UXS1: variants seen among roughly 807,000 people sequenced by gnomAD.
UXS1 encodes the protein UDP-glucuronic acid decarboxylase 1.
In UXS1, 33 loss-of-function variants were observed where a neutral mutation model predicts 62.6. That is an observed-to-expected ratio of 0.53 (90% confidence interval 0.40 to 0.70). The LOEUF is 0.70. Ranked by LOEUF, UXS1 falls within the 30% of genes least tolerant of loss-of-function variation. The pLI, the probability that UXS1 is intolerant of heterozygous loss-of-function variation, is 0.00. For synonymous variants in UXS1, 213 were observed against 206.8 expected, an observed-to-expected ratio of 1.03 and a Z score of -0.26; for missense variants, 434 against 556.3, an observed-to-expected ratio of 0.78 and a Z score of 2.21.
chr2:106,098,807 A>T (rs1412242372), intron 12 of UXS1, 34 bp from the exon 13 acceptor site: 1 of 1,594,900 alleles, frequency 6.3e-7, no homozygotes, highest in East Asian at 2.2e-5. Flanking sequence ...TATAAGCGTC[A>T]TGACAACAGC....
At chr2:106,104,688 G>T in intron 11 of UXS1, 106 bp downstream of exon 11, 1 of 1,380,162 alleles carries the variant, frequency 7.2e-7, no homozygotes, top group Non-Finnish European at 1.0e-6. Flanking sequence ...TAGTGTTAGC[G>T]TTGTGGAAAT....
At chr2:106,168,984 A>T (rs191475691) in intron 1 of UXS1, among the ~76,000 whole-genome samples, 43 of 152,320 alleles carry the variant, frequency 2.8e-4, no homozygotes, top group African/African-American at 8.9e-4. Flanking sequence ...ACTTACTTTT[A>T]AAAAAGTTTA....
chr2:106,190,462 G>C (rs1479948529), intron 1 of UXS1, among the ~76,000 whole-genome samples: 1 of 152,094 alleles, frequency 6.6e-6, no homozygotes, highest in Non-Finnish European at 1.5e-5. Flanking sequence ...GAAATGCCTA[G>C]GGGTTGGGTG....
In UXS1 at chr2:106,186,453, T is replaced by TACACACACAC. The variant is rs753781104; in HGVS notation, c.94+7694_94+7695insGTGTGTGTGT. 7.3e-3 allele frequency among the ~76,000 whole-genome samples: 83 copies of TACACACACAC among 11,434 alleles called. 1 individual carries two copies. The Middle Eastern group carries it at 0.14, about 20-fold the overall frequency. 7.5% of individuals were successfully genotyped at this position (11,434 alleles called of 152,430 possible). ...ACTGCTCTGGGCTTTTATATATATA[T>TACACACACAC]ATATACACACACACACACACACATA... On this transcript the variant is annotated intron_variant, in intron 1 of 14. Transcript: ENST00000283148.
intron 1 of UXS1, among the ~76,000 whole-genome samples, chr2:106,169,702 A>C (rs1245861746): frequency 2.0e-5 from 3 of 152,116 alleles, no homozygotes; most frequent in Admixed American, 6.5e-5. Flanking sequence ...AAAAGAAAAA[A>C]AGTTGATTTC....
At position 106,158,047 on chromosome 2, in the gene UXS1, T is replaced by C; in HGVS notation, c.291+11A>G. ...TAATATTACAAATACTATTCAGGTGTGCAAACTTACCAAAATTCTTTTCCG... is the reference window on the plus strand; with the variant it reads ...TAATATTACAAATACTATTCAGGTGCGCAAACTTACCAAAATTCTTTTCCG... On this transcript the variant is annotated intron_variant, in intron 5 of 14. Transcript: ENST00000283148. The C allele has an allele frequency of 6.4e-7, 1 of 1,556,192 alleles. No homozygotes were observed. The highest frequency in any genetic ancestry group is 8.7e-7 in the Non-Finnish European group (1 of 1,147,848).
intron 11 of UXS1, chr2:106,102,893 T>C (rs1169157183): frequency 1.3e-5 from 2 of 152,356 alleles, no homozygotes; most frequent in African/African-American, 4.8e-5. Flanking sequence ...CATCTCAGAC[T>C]CTGCTAATGT....
chr2:106,103,337 G>T (rs1259206958), intron 11 of UXS1, among the ~76,000 whole-genome samples: 1 of 152,244 alleles, frequency 6.6e-6, no homozygotes, highest in Non-Finnish European at 1.5e-5. Flanking sequence ...GATATTCCAT[G>T]TGGTGTGGGG....
chr2:106,147,349 C>T (rs1438039314), intron 5 of UXS1, among the ~76,000 whole-genome samples: 1 of 152,186 alleles, frequency 6.6e-6, no homozygotes, highest in African/African-American at 2.4e-5. Context: ...AGGGTCGTGC[C>T]AGACAGGAGC....
At chr2:106,178,470 A>G (rs1350937806) in intron 1 of UXS1, among the ~76,000 whole-genome samples, 2 of 151,754 alleles carry the variant, frequency 1.3e-5, no homozygotes, top group African/African-American at 2.4e-5. Flanking sequence ...GTATATACAT[A>G]CAAGTGTGTG....
chr2:106,101,067 C>T lies in UXS1; in HGVS notation c.975G>A (p.Pro325=), dbSNP rs550437685. The change falls in exon 12 of 15, where the codon CCG becomes CCA. Residue 325 remains proline, a synonymous_variant. Transcript: ENST00000283148. ...GGAGAGGAGCACTCACCAGGTTGAC[C>T]GGGCTGCTGACGTTGCTGTTCATGA... is the stretch of plus-strand genomic sequence containing the variant. The part of the protein sequence containing the change: ...VALMNSNVSS[P]VNLGNPEEHT... The T allele has an allele frequency of 1.6e-5, 26 of 1,613,838 alleles. No individual in the cohort carries two copies. Among genetic ancestry groups the T allele is most frequent in the East Asian group, 1.3e-4 (6 of 44,870 alleles).
At chr2:106,174,329 T>C (rs1053485861) in intron 1 of UXS1, among the ~76,000 whole-genome samples, 2 of 152,202 alleles carry the variant, frequency 1.3e-5, no homozygotes, top group Non-Finnish European at 2.9e-5. Flanking sequence ...TGCTGTAGTC[T>C]GAGCAAATCT....
At chr2:106,153,546 A>G (rs1024512314) in intron 5 of UXS1, among the ~76,000 whole-genome samples, 2 of 152,192 alleles carry the variant, frequency 1.3e-5, no homozygotes, top group East Asian at 1.9e-4. Context: ...AAATAAATAA[A>G]TAAAATAAAA....
intron 9 of UXS1, among the ~76,000 whole-genome samples, chr2:106,120,493 G>A (rs147995691): frequency 6.6e-6 from 1 of 152,324 alleles, no homozygotes; most frequent in Non-Finnish European, 1.5e-5. Flanking sequence ...TGCCCCCAGA[G>A]GTGGGCCTTC....
At chr2:106,187,799 T>C (rs1684661954) in intron 1 of UXS1, among the ~76,000 whole-genome samples, 1 of 151,266 alleles carries the variant, frequency 6.6e-6, no homozygotes, top group South Asian at 2.1e-4. Flanking sequence ...TGGAGTGCAA[T>C]GGCACGATCT....
intron 8 of UXS1, 115 bp from the exon 9 acceptor site, chr2:106,123,206 G>C (rs754318715): frequency 8.1e-5 from 119 of 1,474,030 alleles, no homozygotes; most frequent in Admixed American, 1.2e-4. Flanking sequence ...GAGATGGAGA[G>C]ATGTATTAAA....
chr2:106,119,835 A>C (rs1332144240), intron 9 of UXS1, among the ~76,000 whole-genome samples: 1 of 152,110 alleles, frequency 6.6e-6, no homozygotes, highest in East Asian at 1.9e-4. Context: ...AACGTTTTAT[A>C]TCTCTCACAA....
chr2:106,141,226 T>C (rs1178315711), intron 6 of UXS1, among the ~76,000 whole-genome samples: 1 of 152,150 alleles, frequency 6.6e-6, no homozygotes, highest in African/African-American at 2.4e-5. Flanking sequence ...AAGGTCTCTA[T>C]ATATGATATA....
chr2:106,166,092 G>C lies in UXS1; in HGVS notation c.95-9C>G, dbSNP rs374145664. The C allele has an allele frequency of 6.2e-7, 1 of 1,607,478 alleles. No homozygotes were observed. Among genetic ancestry groups the C allele is most frequent in the Admixed American group, 1.7e-5 (1 of 58,784 alleles). The stretch of plus-strand genomic sequence containing the variant: ...GAAGTTGCCCCAAACAGCTGTAAGA[G>C]AAAGAAAAAAGGAAGTCAATGTTTA... On this transcript the variant is annotated splice_polypyrimidine_tract_variant and intron_variant, in intron 1 of 14. Coordinates refer to ENST00000283148, the MANE Select transcript of UXS1 (RefSeq NM_001253875.2).
Sources: allele counts gnomAD v4.1 joint callset (sites outside exome capture counted in the v4.1 genomes callset), GRCh38; gene constraint gnomAD v4.1.1; transcripts MANE v1.5; gene names NCBI Gene and HGNC (gene_info 2026-07-23, HGNC 2026-07-21).